Variants in C9orf153 observed in about 807,000 individuals in gnomAD.
C9orf153 encodes chromosome 9 open reading frame 153.
In C9orf153, 10 loss-of-function variants were observed where a neutral mutation model predicts 9.0. The observed-to-expected ratio is 1.11, with a 90% confidence interval of 0.69 to 1.89. The LOEUF (loss-of-function observed/expected upper bound fraction) is 1.89, where lower values mean the gene tolerates loss of function less well. Among genes scored for constraint, C9orf153 ranks in the 40% most tolerant of loss-of-function variants. The pLI is 0.00. For synonymous variants in C9orf153, 35 were observed against 37.3 expected, an observed-to-expected ratio of 0.94 and a Z score of 0.23; for missense variants, 108 against 111.0, an observed-to-expected ratio of 0.97 and a Z score of 0.12.
At chr9:86,234,137 T>C (rs1563999317) in intron 1 of C9orf153, among the ~76,000 whole-genome samples, 2 of 152,214 alleles carry the variant, frequency 1.3e-5, no homozygotes, top group South Asian at 2.1e-4. Flanking sequence ...ATGCCATAAA[T>C]GTTCTCTGTA....
intron 1 of C9orf153, among the ~76,000 whole-genome samples, chr9:86,253,794 A>C (rs1228070452): frequency 6.6e-6 from 1 of 152,194 alleles, no homozygotes; most frequent in Non-Finnish European, 1.5e-5. Context: ...CAGCAAGTAT[A>C]ATAAGACTAC....
chr9:86,248,365 C>G (rs959691453), intron 1 of C9orf153, among the ~76,000 whole-genome samples: 4 of 152,142 alleles, frequency 2.6e-5, no homozygotes, highest in Non-Finnish European at 5.9e-5. Context: ...AACTCCTGAC[C>G]TCAGGTGATC....
At chr9:86,234,820 T>A (rs1824544191) in intron 1 of C9orf153, among the ~76,000 whole-genome samples, 3 of 152,234 alleles carry the variant, frequency 2.0e-5, no homozygotes. Context: ...AAGGAACTTG[T>A]ATACAGATGT....
chr9:86,235,646 G>A (rs1020215563), intron 1 of C9orf153, among the ~76,000 whole-genome samples: 14 of 147,454 alleles, frequency 9.5e-5, no homozygotes, highest in Non-Finnish European at 1.5e-5. Context: ...GGAGGCTGAG[G>A]CAGGAGAATC....
At chr9:86,257,997 G>A (rs1026011315) in intron 1 of C9orf153, among the ~76,000 whole-genome samples, 6 of 152,172 alleles carry the variant, frequency 3.9e-5, no homozygotes, top group Non-Finnish European at 7.3e-5. Context: ...TTGCTTTCTT[G>A]TGTGGGTTTT....
chr9:86,242,981 G>T (rs1036186693), intron 1 of C9orf153, among the ~76,000 whole-genome samples: 2 of 152,124 alleles, frequency 1.3e-5, no homozygotes, highest in African/African-American at 4.8e-5. Flanking sequence ...GCCCAGCCCC[G>T]CAGGCCACTT....
rs1284095017 is a variant in C9orf153 at position 86,229,595 on chromosome 9, G to A, written c.9C>T (p.Leu3=). 2.5e-6 allele frequency: 4 copies of A among 1,611,018 alleles called. No homozygotes were observed. The African/African-American group carries it at 4.0e-5, about 16-fold the overall frequency. The change falls in exon 2 of 4, where the codon CTC becomes CTT. Residue 3 remains leucine (L), a synonymous_variant. Transcript: ENST00000339137. ...CCTCAGCTGGACTGGTGTCTCCAGT[G>A]AGGAACATCGTGCTGGGATTTTATT... The part of the protein sequence containing the change: MF[L]TGDTSPAEDN...
intron 1 of C9orf153, among the ~76,000 whole-genome samples, chr9:86,259,031 GTTT>G (rs11440861): frequency 6.8e-6 from 1 of 147,372 alleles, no homozygotes; most frequent in African/African-American, 2.5e-5. Flanking sequence ...ACAGAGCAGT[GTTT>G]TTTTTTTTTC....
In C9orf153 at chr9:86,236,809, A is replaced by T. The variant is rs1436434924; in HGVS notation, c.-26-7180T>A. Among the ~76,000 whole-genome samples the T allele has an allele frequency of 2.6e-5, 4 of 151,660 alleles. No individual in the cohort carries two copies. The East Asian group carries it at 7.8e-4, about 30-fold the overall frequency. ...GAAAAGATAACAGTTTGTTCAAAAT[A>T]ATAATAGCAGGCTGGACTAGGTGGC... On this transcript the variant is annotated intron_variant, in intron 1 of 3. Coordinates refer to ENST00000339137, the MANE Select transcript of C9orf153 (RefSeq NM_001276366.4).
intron 2 of C9orf153, 100 bp from the exon 3 acceptor site, chr9:86,228,130 C>T (rs1244092095): frequency 1.2e-6 from 1 of 844,038 alleles, no homozygotes; most frequent in Non-Finnish European, 1.8e-6. Flanking sequence ...CAATAAATAA[C>T]CATAAAGACA....
intron 1 of C9orf153, among the ~76,000 whole-genome samples, chr9:86,234,090 A>G (rs952888399): frequency 3.9e-5 from 6 of 152,196 alleles, no homozygotes; most frequent in African/African-American, 9.6e-5. Flanking sequence ...TCAAAAAAAA[A>G]TGATAATAAT....
At chr9:86,232,032 T>A (rs1436891852) in intron 1 of C9orf153, among the ~76,000 whole-genome samples, 1 of 152,038 alleles carries the variant, frequency 6.6e-6, no homozygotes, top group African/African-American at 2.4e-5. Context: ...TCTCTCTCTC[T>A]CCCTGCCACC....
At chr9:86,238,818 A>G (rs1435196450) in intron 1 of C9orf153, among the ~76,000 whole-genome samples, 2 of 152,154 alleles carry the variant, frequency 1.3e-5, no homozygotes, top group African/African-American at 4.8e-5. Flanking sequence ...AAAAATATCC[A>G]ATGATGAGCT....
Position 86,237,675 on chromosome 9 carries a change from T to TGTTTTCAGACAGAGCA in C9orf153, c.-26-8047_-26-8046insTGCTCTGTCTGAAAAC, listed in dbSNP as rs528703502. On this transcript the variant is annotated intron_variant, in intron 1 of 3. Transcript: ENST00000339137. ...CCTTGAAAGAATACAGGAGCTATAC[T>TGTTTTCAGACAGAGCA]GATTTCAGAGCAAGAAAATTTATCA... 5.9e-3 allele frequency among the ~76,000 whole-genome samples: 889 copies of TGTTTTCAGACAGAGCA among 151,114 alleles called. 7 individuals are homozygous for TGTTTTCAGACAGAGCA. The highest frequency in any genetic ancestry group is 0.02 in the African/African-American group (821 of 40,558).
Position 86,251,786 on chromosome 9 carries a change from G to C in C9orf153, c.-27+7764C>G, listed in dbSNP as rs375853134. 6.6e-5 allele frequency among the ~76,000 whole-genome samples: 10 copies of C among 152,098 alleles called. No homozygotes were observed. In the South Asian group the frequency reaches 2.1e-3, roughly 31 times the overall value. On this transcript the variant is annotated intron_variant, in intron 1 of 3. Transcript: ENST00000339137. Reference sequence around the variant, plus strand: ...TATAATTGAATGGATCCGTTTATCAGGTTTTATTAGTTTTAGCATTAATAA... The same window carrying C: ...TATAATTGAATGGATCCGTTTATCACGTTTTATTAGTTTTAGCATTAATAA...
chr9:86,253,268 C>G lies in C9orf153; in HGVS notation c.-27+6282G>C, dbSNP rs139644156. Reference sequence around the variant, plus strand: ...TTGAGGAATCATGGTTGACTTTATGCAGCTGATAAAAAGCCCTTTGGAAAG... The same window carrying G: ...TTGAGGAATCATGGTTGACTTTATGGAGCTGATAAAAAGCCCTTTGGAAAG... On this transcript the variant is annotated intron_variant, in intron 1 of 3. Coordinates refer to ENST00000339137, the MANE Select transcript of C9orf153 (RefSeq NM_001276366.4). Among the ~76,000 whole-genome samples, 845 of 152,286 alleles carry G rather than the reference C, an allele frequency of 5.5e-3. 5 individuals are homozygous for G. Among genetic ancestry groups the G allele is most frequent in the African/African-American group, 0.019 (781 of 41,558 alleles).
intron 1 of C9orf153, among the ~76,000 whole-genome samples, chr9:86,255,784 C>G (rs1161073414): frequency 6.6e-6 from 1 of 152,126 alleles, no homozygotes; most frequent in Non-Finnish European, 1.5e-5. Flanking sequence ...AGTGAATCTG[C>G]CTTTTGCGAG....
chr9:86,230,666 C>T (rs1465743954), intron 1 of C9orf153, among the ~76,000 whole-genome samples: 1 of 152,176 alleles, frequency 6.6e-6, no homozygotes, highest in Non-Finnish European at 1.5e-5. Context: ...GAAAAACTCA[C>T]CCACCTCCTT....
Position 86,221,725 on chromosome 9 carries a change from A to G in C9orf153, c.251T>C (p.Ile84Thr), listed in dbSNP as rs777885137. Residue 84 changes from isoleucine (I) to threonine (T), a missense_variant, in exon 4 of 4, where the codon ATT (isoleucine) becomes ACT (threonine). Ile to Thr is a moderately conservative substitution (Grantham distance 89). Transcript: ENST00000339137. ...GDLQPVIRKT[I>T]HESKGSGMEI... The stretch of plus-strand genomic sequence containing the variant: ...CATTCCAGATCCCTTAGATTCATGA[A>G]TTGTTTTCCTGAAAAGAATCATATT... 1 of 1,544,440 alleles carries G rather than the reference A, an allele frequency of 6.5e-7. No individual in the cohort carries two copies. Among genetic ancestry groups the G allele is most frequent in the Non-Finnish European group, 8.8e-7 (1 of 1,141,696 alleles).
Sources: gnomAD v4.1 joint callset for allele counts (sites outside exome capture counted in the v4.1 genomes callset) on GRCh38, gnomAD v4.1.1 for gene constraint, MANE v1.5 for transcripts, NCBI Gene and HGNC (gene_info 2026-07-23, HGNC 2026-07-21) for gene names.